M1AP: variants seen among roughly 807,000 people sequenced by gnomAD.
The protein encoded by M1AP is meiosis 1 arrest protein.
M1AP carries 39 observed loss-of-function variants against 51.2 expected under a neutral mutation model. The observed-to-expected ratio is 0.76, with a 90% CI of 0.59 to 1.00. The LOEUF is 1.00. Ranked by LOEUF, M1AP falls within the 50% of genes least tolerant of loss-of-function variation. M1AP has a pLI of 0.00. For missense variants in M1AP, 545 were observed against 641.2 expected (o/e 0.85, Z 1.62); for synonymous variants, 251 against 249.2 (o/e 1.01, Z -0.07).
intron 4 of M1AP, among the ~76,000 whole-genome samples, chr2:74,594,942 TAGA>T (rs1680246839): frequency 6.6e-6 from 1 of 152,126 alleles, no homozygotes; most frequent in Non-Finnish European, 1.5e-5. Context: ...TAGGATGAAT[TAGA>T]AGAAATTCAC....
chr2:74,564,652 A>AGTC (rs1461056045), intron 7 of M1AP, among the ~76,000 whole-genome samples: 1 of 152,214 alleles, frequency 6.6e-6, no homozygotes, highest in African/African-American at 2.4e-5. Flanking sequence ...TGTGCAGGAA[A>AGTC]GTCAGCTTGA....
At chr2:74,579,497 T>A (rs905685776) in intron 5 of M1AP, among the ~76,000 whole-genome samples, 1 of 152,214 alleles carries the variant, frequency 6.6e-6, no homozygotes, top group African/African-American at 2.4e-5. Flanking sequence ...TGGCTTCAAA[T>A]CCTAGCTCTG....
At chr2:74,576,267 C>T (rs1679058861) in intron 6 of M1AP, among the ~76,000 whole-genome samples, 189 bp downstream of exon 6, 1 of 152,244 alleles carries the variant, frequency 6.6e-6, no homozygotes, top group African/African-American at 2.4e-5. Flanking sequence ...CTCCCACCAT[C>T]TGCACATTTG....
rs192857094 is a variant in M1AP, at chr2:74,583,124, C to T, written c.596-1277G>A. 4.2e-4 allele frequency among the ~76,000 whole-genome samples: 64 copies of T among 151,906 alleles called. 1 individual carries two copies. The highest frequency in any genetic ancestry group is 1.4e-3 in the African/African-American group (56 of 41,462). ...CCAAAACATTCTAGAATATAAAAAC[C>T]ACCAAAAATTATACAGCAATGCAAA... On this transcript the variant is annotated intron_variant, in intron 4 of 10. Coordinates refer to ENST00000421985, the MANE Select transcript of M1AP (RefSeq NM_001321739.2).
chr2:74,587,473 C>T (rs1679781432), intron 4 of M1AP, among the ~76,000 whole-genome samples: 1 of 152,222 alleles, frequency 6.6e-6, no homozygotes. Flanking sequence ...GCTGGGATTA[C>T]AGGTGTGAGC....
intron 4 of M1AP, among the ~76,000 whole-genome samples, chr2:74,606,278 A>C (rs891283479): frequency 6.6e-5 from 10 of 152,200 alleles, no homozygotes; most frequent in Non-Finnish European, 1.5e-5. Flanking sequence ...AATCTCAAGG[A>C]TGGGGGCCTT....
chr2:74,573,622 G>A (rs1678884743), intron 7 of M1AP, among the ~76,000 whole-genome samples: 1 of 152,060 alleles, frequency 6.6e-6, no homozygotes, highest in Non-Finnish European at 1.5e-5. Flanking sequence ...CAAAGTGCTG[G>A]GATTACAGAC....
At position 74,607,076 on chromosome 2, in the gene M1AP, C is replaced by T. The variant is rs748287628; in HGVS notation, c.574G>A (p.Val192Ile). 5 of 1,613,964 alleles carry T rather than the reference C, an allele frequency of 3.1e-6. No individual in the cohort carries two copies. In the East Asian group the frequency reaches 6.7e-5, roughly 22 times the overall value. The change falls in exon 4 of 11, where the codon GTT becomes ATT. Residue 192 changes from valine (V) to isoleucine (I), a missense_variant. Physicochemically the swap from Val to Ile is conservative, Grantham distance 29. Transcript: ENST00000421985. ...TTACCATCATTGCTGGTATCCTCAA[C>T]AGGAGACGCTGAGTCCACGTGCTCT... ...ILEHVDSASP[V>I]EDTSNDESSI...
intron 4 of M1AP, among the ~76,000 whole-genome samples, chr2:74,587,864 G>T (rs1225717306): frequency 6.6e-6 from 1 of 152,096 alleles, no homozygotes; most frequent in Admixed American, 6.5e-5. Flanking sequence ...GCCCTCCTGC[G>T]GCCACAATGG....
At chr2:74,645,033 C>G (rs1229402064) in intron 1 of M1AP, among the ~76,000 whole-genome samples, 1 of 152,210 alleles carries the variant, frequency 6.6e-6, no homozygotes, top group Non-Finnish European at 1.5e-5. Flanking sequence ...TGCAATAAAT[C>G]TTGCCGCTGC....
At chr2:74,633,157 G>A (rs1258485656) in intron 2 of M1AP, among the ~76,000 whole-genome samples, 1 of 152,140 alleles carries the variant, frequency 6.6e-6, no homozygotes, top group Non-Finnish European at 1.5e-5. Context: ...TGGGAGGAAA[G>A]TGAGGTCAGG....
intron 2 of M1AP, among the ~76,000 whole-genome samples, chr2:74,626,930 T>C (rs1020965814): frequency 6.6e-6 from 1 of 152,234 alleles, no homozygotes; most frequent in Non-Finnish European, 1.5e-5. Context: ...CTGATAGGAA[T>C]AGTCCCTGGA....
intron 2 of M1AP, among the ~76,000 whole-genome samples, chr2:74,632,003 G>T (rs1396857342): frequency 6.6e-6 from 1 of 152,180 alleles, no homozygotes; most frequent in African/African-American, 2.4e-5. Context: ...TTTTCCGTAA[G>T]CAAAGATTGG....
intron 2 of M1AP, among the ~76,000 whole-genome samples, chr2:74,616,814 T>C (rs1178001017): frequency 6.6e-6 from 1 of 152,252 alleles, no homozygotes; most frequent in Non-Finnish European, 1.5e-5. Flanking sequence ...ATTGGAAATA[T>C]TCCTCTTAAT....
At chr2:74,617,463 C>A (rs545545943) in intron 2 of M1AP, among the ~76,000 whole-genome samples, 1 of 152,058 alleles carries the variant, frequency 6.6e-6, no homozygotes, top group Non-Finnish European at 1.5e-5. Context: ...CTTATAAGTG[C>A]GAGCTAAATG....
At chr2:74,566,314 A>C (rs1678378492) in intron 7 of M1AP, among the ~76,000 whole-genome samples, 1 of 152,202 alleles carries the variant, frequency 6.6e-6, no homozygotes, top group Non-Finnish European at 1.5e-5. Flanking sequence ...CAACAAGTAC[A>C]TGGGTGTGGA....
intron 1 of M1AP, chr2:74,647,512 G>A (rs897063113): frequency 7.9e-5 from 47 of 598,014 alleles, no homozygotes; most frequent in Non-Finnish European, 9.7e-5. Flanking sequence ...GATTTTGTAG[G>A]CCCTAAAAAT....
Position 74,581,744 on chromosome 2 carries a change from G to T in M1AP, c.699C>A (p.Asp233Glu). Residue 233 changes from aspartate to glutamate, a missense_variant, in exon 5 of 11, where the codon GAC becomes GAA. Asp to Glu is a conservative substitution (Grantham distance 45). Coordinates refer to ENST00000421985, the MANE Select transcript of M1AP (RefSeq NM_001321739.2). Reference sequence around the variant, plus strand: ...AAAGAAGAAGATGGATTTGTTCTTGGTCTGTTCCACTGTTATGTAGCCAGG... The same window carrying T: ...AAAGAAGAAGATGGATTTGTTCTTGTTCTGTTCCACTGTTATGTAGCCAGG... The part of the protein sequence containing the change: ...FKAWLHNSGT[D>E]QEQIHLLLSS... 6.2e-7 allele frequency: 1 copy of T among 1,614,036 alleles called. No individual in the cohort carries two copies. The highest frequency in any genetic ancestry group is 8.5e-7 in the Non-Finnish European group (1 of 1,179,938).
intron 7 of M1AP, among the ~76,000 whole-genome samples, chr2:74,567,780 G>A (rs1475914238): frequency 6.6e-6 from 1 of 152,210 alleles, no homozygotes; most frequent in African/African-American, 2.4e-5. Context: ...CTTGTGGTCT[G>A]TATTAATCTA....
Sources: gnomAD v4.1 joint callset for allele counts (sites outside exome capture counted in the v4.1 genomes callset) on GRCh38, gnomAD v4.1.1 for gene constraint, MANE v1.5 for transcripts, NCBI Gene and HGNC (gene_info 2026-07-23, HGNC 2026-07-21) for gene names.